The following UNC13C variants were observed in gnomAD, a reference collection of about 807,000 sequenced individuals.
UNC13C encodes protein unc-13 homolog C.
UNC13C carries 174 observed loss-of-function variants against 245.4 expected under a neutral mutation model. That is an observed-to-expected ratio of 0.71 (90% confidence interval 0.63 to 0.80). UNC13C has a LOEUF of 0.80. UNC13C is among the 30% of genes least tolerant of loss of function. The pLI is 0.00. For missense variants in UNC13C, 2,829 were observed against 2,602.9 expected (o/e 1.09, Z -1.89); for synonymous variants, 992 against 895.1 (o/e 1.11, Z -1.93).
chr15:54,425,297 A>G lies in UNC13C; in HGVS notation c.4933+10230A>G, dbSNP rs575745574. On this transcript the variant is annotated intron_variant, in intron 19 of 32. Transcript: ENST00000260323. ...TGGCTTATTGGAAAAATACGAAAGC[A>G]GTAAGTAAAAGGATAAAAACTGGAC... 4.0e-5 allele frequency among the ~76,000 whole-genome samples: 6 copies of G among 151,896 alleles called. No individual in the cohort carries two copies. In the South Asian group the frequency reaches 1.2e-3, roughly 32 times the overall value.
intron 30 of UNC13C, among the ~76,000 whole-genome samples, chr15:54,572,260 T>G (rs987755468): frequency 6.6e-6 from 1 of 152,124 alleles, no homozygotes; most frequent in Non-Finnish European, 1.5e-5. Flanking sequence ...TTACTTGGGC[T>G]TTTTCTCTCA....
At chr15:53,986,009 T>G (rs951432202) in intron 1 of UNC13C, among the ~76,000 whole-genome samples, 5 of 152,006 alleles carry the variant, frequency 3.3e-5, no homozygotes, top group Non-Finnish European at 7.4e-5. Flanking sequence ...GGCATCTAGC[T>G]CCCAGTGGAT....
chr15:54,136,705 G>A (rs1410735783), intron 2 of UNC13C, among the ~76,000 whole-genome samples: 6 of 152,160 alleles, frequency 3.9e-5, no homozygotes, highest in Non-Finnish European at 8.8e-5. Context: ...CTTTTATTAT[G>A]TACAGGTGCA....
chr15:54,218,598 G>C (rs2035115584), intron 4 of UNC13C, among the ~76,000 whole-genome samples: 1 of 151,854 alleles, frequency 6.6e-6, no homozygotes, highest in Admixed American at 6.6e-5. Flanking sequence ...CTATGAGGGG[G>C]CAATTAAGCC....
rs141472990 is a variant in UNC13C, at chr15:54,545,306, A to G, written c.5697-1416A>G. On this transcript the variant is annotated intron_variant, in intron 26 of 32. Transcript: ENST00000260323. Reference sequence around the variant, plus strand: ...TTATACAAAAATTAACTCAAGGTGGACTAAAGACTTAAACCTAAGACCTAA... The same window carrying G: ...TTATACAAAAATTAACTCAAGGTGGGCTAAAGACTTAAACCTAAGACCTAA... Among the ~76,000 whole-genome samples the G allele has an allele frequency of 3.2e-3, 494 of 152,362 alleles. 7 individuals are homozygous for G. The highest frequency in any genetic ancestry group is 0.011 in the African/African-American group (463 of 41,588).
intron 19 of UNC13C, among the ~76,000 whole-genome samples, chr15:54,428,863 T>C (rs1303616267): frequency 6.6e-6 from 1 of 151,644 alleles, no homozygotes; most frequent in East Asian, 2.0e-4. Context: ...GCTTCCTGAC[T>C]CCTGCCCCAC....
intron 2 of UNC13C, among the ~76,000 whole-genome samples, chr15:54,071,202 T>A (rs1385632754): frequency 2.0e-5 from 3 of 152,092 alleles, no homozygotes; most frequent in Admixed American, 6.6e-5. Context: ...TTAAAAAAAA[T>A]TTGTAAACTT....
intron 2 of UNC13C, among the ~76,000 whole-genome samples, chr15:54,041,805 T>C (rs997869912): frequency 1.3e-5 from 2 of 152,240 alleles, no homozygotes; most frequent in Non-Finnish European, 2.9e-5. Flanking sequence ...TATGTAACTG[T>C]TAGCTAATAC....
chr15:54,562,341 G>T (rs1272338948), intron 29 of UNC13C, among the ~76,000 whole-genome samples: 1 of 151,938 alleles, frequency 6.6e-6, no homozygotes, highest in Non-Finnish European at 1.5e-5. Context: ...TTATGCAAAA[G>T]TCTGACTGTA....
At chr15:54,531,300 G>A (rs967180423) in intron 25 of UNC13C, among the ~76,000 whole-genome samples, 18 of 152,288 alleles carry the variant, frequency 1.2e-4, no homozygotes, top group African/African-American at 4.1e-4. Flanking sequence ...GAGAAGTGAA[G>A]TGGTCCAAGG....
chr15:54,131,513 G>A (rs958906650), intron 2 of UNC13C, among the ~76,000 whole-genome samples: 3 of 152,186 alleles, frequency 2.0e-5, no homozygotes, highest in Admixed American at 6.5e-5. Context: ...TATCCCTTCT[G>A]AGATAGGTAA....
chr15:54,403,127 A>G (rs2040220798), intron 18 of UNC13C, among the ~76,000 whole-genome samples: 1 of 152,250 alleles, frequency 6.6e-6, no homozygotes, highest in Non-Finnish European at 1.5e-5. Flanking sequence ...ATCTAAACTC[A>G]GTAAATTCTG....
intron 19 of UNC13C, among the ~76,000 whole-genome samples, chr15:54,448,514 T>A (rs1890964156): frequency 6.6e-6 from 1 of 152,214 alleles, no homozygotes; most frequent in African/African-American, 2.4e-5. Flanking sequence ...AATTGATCCC[T>A]TTACCATTAT....
chr15:54,633,175 A>T (rs907257995), downstream of UNC13C: 1 of 152,216 alleles, frequency 6.6e-6, no homozygotes, highest in African/African-American at 2.4e-5. Flanking sequence ...CAAAAAAAAA[A>T]ATAACAGCCT....
intron 1 of UNC13C, among the ~76,000 whole-genome samples, chr15:53,991,374 G>T (rs1894380017): frequency 6.6e-6 from 1 of 151,970 alleles, no homozygotes; most frequent in Non-Finnish European, 1.5e-5. Flanking sequence ...CAAAAATCAT[G>T]TCGATTCTAA....
chr15:54,326,206 A>T (rs1056507473), intron 14 of UNC13C, among the ~76,000 whole-genome samples: 5 of 152,052 alleles, frequency 3.3e-5, no homozygotes, highest in Non-Finnish European at 5.9e-5. Context: ...TCCTTCTTTA[A>T]AGTTGTCAGG....
In UNC13C at chr15:54,089,418, G is replaced by T. The variant is rs370489201; in HGVS notation, c.2984-53600G>T. On this transcript the variant is annotated intron_variant, in intron 2 of 32. Transcript: ENST00000260323. Reference sequence around the variant, plus strand: ...CGCTTGAGATGGAACAGAATGGCCAGAGAAGCAAAATTTCAATTACTCGTG... The same window carrying T: ...CGCTTGAGATGGAACAGAATGGCCATAGAAGCAAAATTTCAATTACTCGTG... Among the ~76,000 whole-genome samples, 10 of 152,264 alleles carry T rather than the reference G, an allele frequency of 6.6e-5. No homozygotes were observed. In the East Asian group the frequency reaches 1.7e-3, roughly 26 times the overall value.
chr15:53,899,948 A>G, the UNC13C span, among the ~76,000 whole-genome samples: 1 of 152,106 alleles, frequency 6.6e-6, no homozygotes, highest in Non-Finnish European at 1.5e-5. Context: ...CCCAACAGAT[A>G]ACTACCCCAC....
the UNC13C span, among the ~76,000 whole-genome samples, chr15:53,917,838 A>G: frequency 6.6e-6 from 1 of 152,178 alleles, no homozygotes; most frequent in Non-Finnish European, 1.5e-5. Flanking sequence ...GAGAAACGGC[A>G]CTTTTTATTT....
Sources: gnomAD v4.1 joint callset for allele counts (sites outside exome capture counted in the v4.1 genomes callset) on GRCh38, gnomAD v4.1.1 for gene constraint, MANE v1.5 for transcripts, NCBI Gene and HGNC (gene_info 2026-07-23, HGNC 2026-07-21) for gene names.